The following ARHGAP4 variants were observed in gnomAD, a reference collection of about 807,000 sequenced individuals.
ARHGAP4 encodes the protein rho GTPase-activating protein 4.
Under a neutral mutation model 67.6 loss-of-function variants are expected in ARHGAP4, and 25 were observed. The ratio of observed to expected loss-of-function variants is 0.37; its 90% CI spans 0.27 to 0.52. The LOEUF is 0.52. Among genes scored for constraint, ARHGAP4 ranks in the 20% least tolerant of loss-of-function variants. ARHGAP4 has a pLI of 0.92. For synonymous variants in ARHGAP4, 448 were observed against 373.7 expected, an observed-to-expected ratio of 1.20 and a Z score of -2.29; for missense variants, 804 against 854.6, an observed-to-expected ratio of 0.94 and a Z score of 0.74.
intron 7 of ARHGAP4, among the ~76,000 whole-genome samples, chrX:153,915,107 A>T (rs1169906551): frequency 9.0e-6 from 1 of 111,334 alleles, no homozygotes; most frequent in African/African-American, 3.3e-5. Flanking sequence ...AGGACATGGG[A>T]CTCAGTGAAA....
intron 1 of ARHGAP4, among the ~76,000 whole-genome samples, chrX:153,925,703 A>G (rs1477625268): frequency 8.9e-6 from 1 of 112,046 alleles, no homozygotes; most frequent in Non-Finnish European, 1.9e-5. Context: ...CAGGGACTGC[A>G]GTGGGGTTAC....
chrX:153,910,000 C>T lies in ARHGAP4; in HGVS notation c.2230+12G>A, dbSNP rs1557102516. 6.6e-6 allele frequency: 8 copies of T among 1,210,888 alleles called. No individual in the cohort carries two copies. Among genetic ancestry groups the T allele is most frequent in the Non-Finnish European group, 7.8e-6 (7 of 895,274 alleles). On this transcript the variant is annotated intron_variant, in intron 18 of 21. Transcript: ENST00000350060. ...TGGGGACAGGGTGGGGCTCTCTGCCCATCGCCCTCACCATCCTCCTGTGCG... is the reference window on the plus strand; with the variant it reads ...TGGGGACAGGGTGGGGCTCTCTGCCTATCGCCCTCACCATCCTCCTGTGCG...
chrX:153,907,992 C>T lies in ARHGAP4; in HGVS notation c.2608-30G>A, dbSNP rs372933127. On this transcript the variant is annotated intron_variant, in intron 21 of 21. Transcript: ENST00000350060. ...CGGAGGGGAAAGAAAGGGAGAGTGA[C>T]CAGTGAGTTCCCCCGACTGACCCTG... is the stretch of plus-strand genomic sequence containing the variant. 7 of 1,128,803 alleles carry T rather than the reference C, an allele frequency of 6.2e-6. No homozygotes were observed. In the African/African-American group the frequency reaches 7.5e-5, roughly 12 times the overall value. The allele number at this position is 1,128,803 out of a possible 1,213,427, so 93.0% of individuals were successfully genotyped here.
At chrX:153,925,619 G>A (rs782686582) in intron 1 of ARHGAP4, among the ~76,000 whole-genome samples, 2 of 112,722 alleles carry the variant, frequency 1.8e-5, no homozygotes, top group African/African-American at 6.4e-5. Flanking sequence ...CACTGCGCCA[G>A]CTTGACCCAG....
intron 1 of ARHGAP4, 58 bp from the exon 2 acceptor site, chrX:153,921,867 C>A: frequency 8.9e-7 from 1 of 1,120,427 alleles, no homozygotes; most frequent in East Asian, 3.3e-5. Context: ...GTCAGCCAGG[C>A]CAGCGTGGGA....
intron 4 of ARHGAP4, 99 bp from the exon 5 acceptor site, chrX:153,920,907 C>G: frequency 1.8e-6 from 2 of 1,089,713 alleles, no homozygotes; most frequent in South Asian, 2.0e-5. Context: ...GACCTCAGAG[C>G]TGGGCGATCC....
At position 153,910,164 on chromosome X, in the gene ARHGAP4, G is replaced by A. The variant is rs2065007888; in HGVS notation, c.2156+7C>T. The A allele has an allele frequency of 8.3e-7, 1 of 1,210,987 alleles. No individual in the cohort carries two copies. Among genetic ancestry groups the A allele is most frequent in the Middle Eastern group, 2.3e-4 (1 of 4,344 alleles). On this transcript the variant is annotated splice_region_variant and intron_variant, in intron 17 of 21. Coordinates refer to ENST00000350060, the MANE Select transcript of ARHGAP4 (RefSeq NM_001666.5). ...CCCCAGTCCCCTCGGCAGCACCAAG[G>A]GTGTACCCCAGGCAGCTGGCGGAAG... is the stretch of plus-strand genomic sequence containing the variant.
Position 153,910,577 on chromosome X carries a change from C to T in ARHGAP4, c.1851G>A (p.Val617=). Residue 617 remains valine (V), a synonymous_variant, in exon 16 of 22, where the codon GTG becomes GTA. Coordinates refer to ENST00000350060, the MANE Select transcript of ARHGAP4 (RefSeq NM_001666.5). Reference sequence around the variant, plus strand: ...CGGGCAGCCGCCACAGCAGGCGGCTCACGTGCTCCACCCTCTCCGCTGTGG... The same window carrying T: ...CGGGCAGCCGCCACAGCAGGCGGCTTACGTGCTCCACCCTCTCCGCTGTGG... ...LEATAERVEH[V]SRLLWRLPAP... The T allele has an allele frequency of 8.3e-7, 1 of 1,208,508 alleles. No homozygotes were observed. The highest frequency in any genetic ancestry group is 1.7e-5 in the African/African-American group (1 of 57,870).
At chrX:153,922,057 C>T (rs1478654515) in intron 1 of ARHGAP4, 30 of 991,623 alleles carry the variant, frequency 3.0e-5, no homozygotes, top group African/African-American at 9.8e-5. Context: ...CAGAGCCACC[C>T]GGTTGAGGGG....
chrX:153,918,271 G>A (rs1333604481), intron 7 of ARHGAP4, among the ~76,000 whole-genome samples: 1 of 109,392 alleles, frequency 9.1e-6, no homozygotes, highest in Non-Finnish European at 1.9e-5. Flanking sequence ...GGTCATCATT[G>A]GCCAATGGAA....
chrX:153,911,155 C>A lies in ARHGAP4; in HGVS notation c.1577G>T (p.Ser526Ile). The stretch of plus-strand genomic sequence containing the variant: ...ATTGAGGTTGATGAAGCGAATGCAG[C>A]TCTCCACCACCAGGGGCACAGGCTG... ...SGQPVPLVVE[S>I]CIRFINLNGL... is the part of the protein sequence containing the mutation. The change falls in exon 13 of 22, where the codon AGC becomes ATC. Residue 526 changes from serine to isoleucine, a missense_variant. By Grantham distance (142) the Ser-to-Ile change is moderately radical (BLOSUM62 -2). Around this residue, in one of 2 missense-constraint regions of ARHGAP4, gnomAD observed 404 missense variants for 505.9 expected, o/e 0.80. Transcript: ENST00000350060. 8.5e-7 allele frequency: 1 copy of A among 1,170,387 alleles called. No individual in the cohort carries two copies. Among genetic ancestry groups the A allele is most frequent in the Non-Finnish European group, 1.1e-6 (1 of 874,188 alleles).
At chrX:153,908,338 G>A (rs2064987285) in intron 21 of ARHGAP4, among the ~76,000 whole-genome samples, 1 of 112,008 alleles carries the variant, frequency 8.9e-6, no homozygotes, top group Non-Finnish European at 1.9e-5. Context: ...CCTGGCTCCC[G>A]CTCCTGCTCC....
At chrX:153,910,455 T>G in intron 16 of ARHGAP4, 51 bp from the exon 17 acceptor site, 15 of 483,048 alleles carry the variant, frequency 3.1e-5, no homozygotes, top group Non-Finnish European at 4.6e-5. Flanking sequence ...CGAGTCCCCC[T>G]GTCCCCTCGA....
Position 153,913,032 on chromosome X carries a change from C to G in ARHGAP4, c.1431G>C (p.Glu477Asp), listed in dbSNP as rs2065031677. ...ALQRGDKEEQ[E>D]VSWTQYTQRK... ...CCTCAGGGAGGACTCACCAAGACACCTCCTGCTCCTCCTTGTCACCTGTGG... is the reference window on the plus strand; with the variant it reads ...CCTCAGGGAGGACTCACCAAGACACGTCCTGCTCCTCCTTGTCACCTGTGG... Residue 477 changes from glutamate (E) to aspartate (D), a missense_variant, in exon 11 of 22, where the codon GAG (glutamate) becomes GAC (aspartate). Glu to Asp is a conservative substitution (Grantham distance 45). Transcript: ENST00000350060. 1 of 1,193,862 alleles carries G rather than the reference C, an allele frequency of 8.4e-7. No homozygotes were observed. Among genetic ancestry groups the G allele is most frequent in the South Asian group, 1.8e-5 (1 of 54,554 alleles).
chrX:153,918,298 C>T (rs782135271), intron 7 of ARHGAP4, among the ~76,000 whole-genome samples: 2 of 66,968 alleles, frequency 3.0e-5, no homozygotes, highest in Admixed American at 4.2e-4. Context: ...TGCTTGACAC[C>T]GGGAGGTGGG....
chrX:153,908,859 G>A (rs1220896432), intron 21 of ARHGAP4, among the ~76,000 whole-genome samples: 1 of 111,884 alleles, frequency 8.9e-6, no homozygotes, highest in African/African-American at 3.3e-5. Context: ...CTCCGTAGCC[G>A]TCCCTCTCCA....
chrX:153,919,140 C>T lies in ARHGAP4; in HGVS notation c.810+15G>A. 8.3e-7 allele frequency: 1 copy of T among 1,211,751 alleles called. No homozygotes were observed. Among genetic ancestry groups the T allele is most frequent in the Non-Finnish European group, 1.1e-6 (1 of 895,289 alleles). On this transcript the variant is annotated intron_variant, in intron 6 of 21. Coordinates refer to ENST00000350060, the MANE Select transcript of ARHGAP4 (RefSeq NM_001666.5). ...GCACCAGGCACCTTTTCCCACCTGC[C>T]CACCAAGGACTCACGTCCATGAGGT...
chrX:153,907,543 G>T lies in ARHGAP4; in HGVS notation c.*186C>A. The T allele has an allele frequency of 2.6e-6, 1 of 380,662 alleles. No homozygotes were observed. Among genetic ancestry groups the T allele is most frequent in the Non-Finnish European group, 4.5e-6 (1 of 222,613 alleles). 31.4% of individuals were successfully genotyped at this position (380,662 alleles called of 1,213,427 possible). A position where few individuals can be genotyped will look rare whatever the true frequency, so the allele number is the denominator to read the frequency against. On this transcript the variant is annotated 3_prime_UTR_variant, in exon 22 of 22. Coordinates refer to ENST00000350060, the MANE Select transcript of ARHGAP4 (RefSeq NM_001666.5). ...GCCTCCAAAAGGGGCCTGGGCCAGG[G>T]CTGAGGGGCAGGCAGGATGTGGAGC...
chrX:153,925,948 T>C (rs781983040), intron 1 of ARHGAP4, among the ~76,000 whole-genome samples, 188 bp downstream of exon 1: 79 of 112,328 alleles, frequency 7.0e-4, no homozygotes, highest in African/African-American at 2.4e-3. Context: ...GAAGGGAAAA[T>C]GGCAGGCGGT....
Sources: allele counts gnomAD v4.1 joint callset (sites outside exome capture counted in the v4.1 genomes callset), GRCh38; gene constraint gnomAD v4.1.1; regional missense constraint gnomAD v4.1.1; transcripts MANE v1.5; gene names NCBI Gene and HGNC (gene_info 2026-07-23, HGNC 2026-07-21).